The following ERO1B variants were observed in gnomAD, a reference collection of about 807,000 sequenced individuals.
ERO1B encodes the protein ERO1-like protein beta.
Under a neutral mutation model 75.3 loss-of-function variants are expected in ERO1B, and 49 were observed. The observed-to-expected ratio is 0.65, with a 90% CI of 0.52 to 0.83. The LOEUF (loss-of-function observed/expected upper bound fraction) is 0.83. Ranked by LOEUF, ERO1B falls within the 40% of genes least tolerant of loss-of-function variation. The probability of loss-of-function intolerance (pLI) is 0.00; values close to 1 mark genes in which losing one functional copy is unlikely to be tolerated. For missense variants in ERO1B, 512 were observed against 560.1 expected, an observed-to-expected ratio of 0.91 and a Z score of 0.87; for synonymous variants, 191 against 192.9, an observed-to-expected ratio of 0.99 and a Z score of 0.08.
In ERO1B at chr1:236,240,984, T is replaced by TAAC. The variant is rs538311415; in HGVS notation, c.505+2435_505+2437dup. On this transcript the variant is annotated intron_variant, in intron 6 of 15. Transcript: ENST00000354619. ...AAGAAGCAAGCCATGATAAAGACAG[T>TAAC]AACAACAACAACAAAAAAGAGTGGT... is the stretch of plus-strand genomic sequence containing the variant. 1.4e-3 allele frequency among the ~76,000 whole-genome samples: 220 copies of TAAC among 152,066 alleles called. 1 individual carries two copies. Among genetic ancestry groups the TAAC allele is most frequent in the African/African-American group, 5.0e-3 (207 of 41,492 alleles).
intron 6 of ERO1B, among the ~76,000 whole-genome samples, chr1:236,238,398 C>T (rs1446613156): frequency 2.0e-5 from 3 of 151,766 alleles, no homozygotes; most frequent in Admixed American, 2.0e-4. Context: ...TTGATATGGG[C>T]ATGGTGGCAC....
chr1:236,251,428 C>T, intron 4 of ERO1B: 1 of 925,112 alleles, frequency 1.1e-6, no homozygotes, highest in Non-Finnish European at 1.3e-6. Context: ...TATTTCAGAT[C>T]TGAAGCAAAA....
chr1:236,254,654 C>T (rs1665117325), intron 2 of ERO1B, among the ~76,000 whole-genome samples: 1 of 152,098 alleles, frequency 6.6e-6, no homozygotes, highest in African/African-American at 2.4e-5. Context: ...ACTCTGTCAC[C>T]CAGGCTGGAG....
intron 15 of ERO1B, among the ~76,000 whole-genome samples, chr1:236,219,303 TAAAGGGCAGGCC>T (rs1664075927): frequency 1.3e-5 from 2 of 152,118 alleles, no homozygotes; most frequent in African/African-American, 4.8e-5. Context: ...ATACCACTAC[TAAAGGGCAGGCC>T]AGGATTCCAG....
At chr1:236,242,975 A>G (rs753552889) in intron 6 of ERO1B, among the ~76,000 whole-genome samples, 1 of 152,168 alleles carries the variant, frequency 6.6e-6, no homozygotes. Flanking sequence ...GTTTGTTAAG[A>G]CCTCTAGCAA....
intron 1 of ERO1B, among the ~76,000 whole-genome samples, chr1:236,274,771 T>C (rs1489563904): frequency 6.6e-6 from 1 of 151,704 alleles, no homozygotes; most frequent in Non-Finnish European, 1.5e-5. Flanking sequence ...CAAAAATCTC[T>C]GCCCTCAAGG....
At chr1:236,224,386 T>G (rs977393048) in intron 13 of ERO1B, among the ~76,000 whole-genome samples, 20 of 150,936 alleles carry the variant, frequency 1.3e-4, no homozygotes, top group African/African-American at 4.6e-4. Flanking sequence ...GAGGCTGAGG[T>G]GGGAAGACAG....
chr1:236,224,142 T>C (rs10924786), intron 13 of ERO1B, among the ~76,000 whole-genome samples: 8,611 of 152,128 alleles, frequency 0.057, 621 homozygotes, highest in East Asian at 0.4. Flanking sequence ...TATAAAAAAT[T>C]CATACCAAGC....
chr1:236,276,337 C>T (rs573536232), intron 1 of ERO1B, among the ~76,000 whole-genome samples: 3 of 152,148 alleles, frequency 2.0e-5, no homozygotes, highest in East Asian at 3.9e-4. Context: ...AGCTAAGAGA[C>T]CAGAAGAGAT....
chr1:236,263,778 C>CTTT, intron 2 of ERO1B, among the ~76,000 whole-genome samples: 1 of 80,300 alleles, frequency 1.2e-5, no homozygotes, highest in African/African-American at 5.2e-5. Flanking sequence ...ATTTTGTTTG[C>CTTT]TTTTTTTTTT....
intron 11 of ERO1B, 34 bp downstream of exon 11, chr1:236,226,613 A>T (rs566376855): frequency 6.2e-7 from 1 of 1,600,136 alleles, no homozygotes; most frequent in South Asian, 1.1e-5. Context: ...TTACACTAAT[A>T]GAAGGCAAAA....
chr1:236,281,697 G>A lies in ERO1B; in HGVS notation c.87C>T (p.Ser29=), dbSNP rs777082956. The part of the protein sequence containing the change: ...QLLVTLSFLR[S]VVEAQVTGVL... ...TCGGGCTTACCTGCGCCTCGACGACGCTCCGCAGGAAGCTCAGGGTGACCA... is the reference window on the plus strand; with the variant it reads ...TCGGGCTTACCTGCGCCTCGACGACACTCCGCAGGAAGCTCAGGGTGACCA... Residue 29 remains serine (S), a synonymous_variant, in exon 1 of 16, where the codon AGC becomes AGT. Coordinates refer to ENST00000354619, the MANE Select transcript of ERO1B (RefSeq NM_019891.4). 57 of 1,487,116 alleles carry A rather than the reference G, an allele frequency of 3.8e-5. No individual in the cohort carries two copies. The highest frequency in any genetic ancestry group is 5.0e-5 in the Non-Finnish European group (56 of 1,118,376). The allele number at this position is 1,487,116 out of a possible 1,614,324, so 92.1% of individuals were successfully genotyped here. A position where few individuals can be genotyped will look rare whatever the true frequency, so the allele number is the denominator to read the frequency against.
chr1:236,257,383 C>A (rs1665183007), intron 2 of ERO1B, among the ~76,000 whole-genome samples: 1 of 151,942 alleles, frequency 6.6e-6, no homozygotes, highest in South Asian at 2.1e-4. Flanking sequence ...ATTCTAGTTC[C>A]TCAAGCCAAA....
chr1:236,249,815 C>T, intron 5 of ERO1B, 70 bp downstream of exon 5: 1 of 1,214,848 alleles, frequency 8.2e-7, no homozygotes, highest in Non-Finnish European at 1.1e-6. Flanking sequence ...AATGTTTTAC[C>T]AAAATCATAA....
Position 236,265,244 on chromosome 1 carries a change from C to T in ERO1B, c.222+4631G>A, listed in dbSNP as rs750343231. Among the ~76,000 whole-genome samples the T allele has an allele frequency of 3.3e-5, 5 of 152,204 alleles. No homozygotes were observed. The South Asian group carries it at 1.0e-3, about 32-fold the overall frequency. On this transcript the variant is annotated intron_variant, in intron 2 of 15. Transcript: ENST00000354619. ...ATGCTGATGTTAGGACTGAAATCAT[C>T]ATGTTAAGAAATATACATCATTCTT...
At chr1:236,249,778 A>G in intron 5 of ERO1B, 107 bp downstream of exon 5, 1 of 739,284 alleles carries the variant, frequency 1.4e-6, no homozygotes, top group Non-Finnish European at 2.1e-6. Flanking sequence ...TTAAAAATAT[A>G]TTAGTTAAAA....
In ERO1B at chr1:236,216,766, T is replaced by G. The variant is rs1178095553; in HGVS notation, c.*1750A>C. The G allele has an allele frequency of 6.6e-6, 1 of 152,058 alleles. No homozygotes were observed. Among genetic ancestry groups the G allele is most frequent in the Admixed American group, 6.6e-5 (1 of 15,244 alleles). The allele number at this position is 152,058 out of a possible 1,614,324, so 9.4% of individuals were successfully genotyped here. On this transcript the variant is annotated 3_prime_UTR_variant, in exon 16 of 16. Transcript: ENST00000354619. ...AAACAAAGTGCAGATTTTTCACATCTTAAACTCTGAGTGAATACTAAGAAT... is the reference window on the plus strand; with the variant it reads ...AAACAAAGTGCAGATTTTTCACATCGTAAACTCTGAGTGAATACTAAGAAT...
In ERO1B at chr1:236,216,047, A is replaced by G. The variant is rs1248186555; in HGVS notation, c.*2469T>C. On this transcript the variant is annotated 3_prime_UTR_variant, in exon 16 of 16. Coordinates refer to ENST00000354619, the MANE Select transcript of ERO1B (RefSeq NM_019891.4). ...ATCCTCCTCATAATCTAAGAATCAA[A>G]ACAGGAGAAACATTCAAAGTTTACC... 6.6e-6 allele frequency: 1 copy of G among 152,194 alleles called. No individual in the cohort carries two copies. Among genetic ancestry groups the G allele is most frequent in the East Asian group, 1.9e-4 (1 of 5,204 alleles). The allele number at this position is 152,194 out of a possible 1,614,324, so 9.4% of individuals were successfully genotyped here.
chr1:236,220,589 T>A (rs2463192), intron 15 of ERO1B: 128,907 of 282,746 alleles, frequency 0.46, 31,462 homozygotes, highest in East Asian at 0.88. Flanking sequence ...ATTAGAAGAA[T>A]ATCTCCCTTA....
Sources: allele counts gnomAD v4.1 joint callset (sites outside exome capture counted in the v4.1 genomes callset), GRCh38; gene constraint gnomAD v4.1.1; transcripts MANE v1.5; gene names NCBI Gene and HGNC (gene_info 2026-07-23, HGNC 2026-07-21).